Variants in CENPP observed in about 807,000 individuals in gnomAD.
The protein encoded by CENPP is centromere protein P.
A neutral mutation model predicts 35.6 loss-of-function variants in CENPP; 24 were observed. The ratio of observed to expected loss-of-function variants is 0.67; its 90% CI spans 0.49 to 0.95. The LOEUF is 0.95. Among genes scored for constraint, CENPP ranks in the 40% least tolerant of loss-of-function variants. The pLI is 0.00. For synonymous variants in CENPP, 120 were observed against 125.5 expected, an observed-to-expected ratio of 0.96 and a Z score of 0.29; for missense variants, 332 against 345.3, an observed-to-expected ratio of 0.96 and a Z score of 0.31.
intron 5 of CENPP, among the ~76,000 whole-genome samples, chr9:92,601,489 T>C (rs754489214): frequency 1.1e-4 from 16 of 152,210 alleles, no homozygotes; most frequent in Non-Finnish European, 1.8e-4. Flanking sequence ...GTCCTTTCCA[T>C]GTTAGAGCTC....
In CENPP at chr9:92,588,903, G is replaced by A. The variant is rs188743789; in HGVS notation, c.565-22411G>A. Among the ~76,000 whole-genome samples, 369 of 152,230 alleles carry A rather than the reference G, an allele frequency of 2.4e-3. 3 individuals carry two copies. Among genetic ancestry groups the A allele is most frequent in the African/African-American group, 8.0e-3 (332 of 41,552 alleles). On this transcript the variant is annotated intron_variant, in intron 5 of 7. Coordinates refer to ENST00000375587, the MANE Select transcript of CENPP (RefSeq NM_001012267.3). The stretch of plus-strand genomic sequence containing the variant: ...AGTTAGTAAATCCCTAGTCTGAGAC[G>A]CCCATGAGAGGTGAATGTATGTGGG...
chr9:92,502,769 C>T (rs1466260809), intron 5 of CENPP: 13 of 763,540 alleles, frequency 1.7e-5, no homozygotes, highest in Non-Finnish European at 2.5e-5. Flanking sequence ...AAGAGTCTTA[C>T]TGCTCTTTCA....
chr9:92,462,720 A>T (rs1472772897), intron 5 of CENPP, among the ~76,000 whole-genome samples: 1 of 152,206 alleles, frequency 6.6e-6, no homozygotes, highest in Non-Finnish European at 1.5e-5. Flanking sequence ...TTCTAAACTG[A>T]GAAGGTTCTA....
chr9:92,580,545 C>T (rs1339860737), intron 5 of CENPP, among the ~76,000 whole-genome samples: 1 of 152,084 alleles, frequency 6.6e-6, no homozygotes, highest in Non-Finnish European at 1.5e-5. Flanking sequence ...GTGTATGTGT[C>T]AAGGAATTTA....
chr9:92,364,134 G>A (rs1355424165), intron 4 of CENPP, among the ~76,000 whole-genome samples: 2 of 151,918 alleles, frequency 1.3e-5, no homozygotes, highest in Non-Finnish European at 1.5e-5. Context: ...ATAGGCATGA[G>A]CCACTGTACT....
intron 5 of CENPP, among the ~76,000 whole-genome samples, chr9:92,546,890 C>T (rs1166728906): frequency 6.6e-6 from 1 of 152,152 alleles, no homozygotes; most frequent in Non-Finnish European, 1.5e-5. Flanking sequence ...AATCTTCCCA[C>T]AAGAGATACC....
intron 5 of CENPP, among the ~76,000 whole-genome samples, chr9:92,408,941 C>T (rs1843376941): frequency 1.3e-5 from 2 of 152,058 alleles, no homozygotes; most frequent in Admixed American, 6.6e-5. Flanking sequence ...ATGCTTGAAG[C>T]CTAATTGTTT....
chr9:92,497,871 G>GT (rs1258850276), intron 5 of CENPP, among the ~76,000 whole-genome samples: 1 of 89,754 alleles, frequency 1.1e-5, no homozygotes, highest in Non-Finnish European at 2.0e-5. Flanking sequence ...AGAGCTGGTT[G>GT]TTTAAAAAAA....
chr9:92,330,818 AGCCAGGATTACAGGCACCC>A (rs1315351264), intron 1 of CENPP, among the ~76,000 whole-genome samples: 3 of 151,470 alleles, frequency 2.0e-5, no homozygotes, highest in African/African-American at 7.3e-5. Context: ...CCTCCTGGGT[AGCCAGGATTACAGGCACCC>A]GCCACCACTC....
chr9:92,543,007 T>G (rs1849349873), intron 5 of CENPP, among the ~76,000 whole-genome samples: 2 of 152,226 alleles, frequency 1.3e-5, no homozygotes, highest in South Asian at 4.1e-4. Flanking sequence ...TTGGCACTTT[T>G]GTCAAAAACC....
chr9:92,440,152 C>T (rs947919596), intron 5 of CENPP, among the ~76,000 whole-genome samples: 2 of 152,136 alleles, frequency 1.3e-5, no homozygotes, highest in Admixed American at 1.3e-4. Context: ...TATACACTCA[C>T]CTCCCATTAG....
At chr9:92,471,053 G>A (rs1370922876) in intron 5 of CENPP, among the ~76,000 whole-genome samples, 1 of 152,164 alleles carries the variant, frequency 6.6e-6, no homozygotes, top group Non-Finnish European at 1.5e-5. Flanking sequence ...AATTGGAGTG[G>A]CCTTAGTGGC....
At chr9:92,345,932 A>T (rs1276751488) in intron 4 of CENPP, 145 bp downstream of exon 4, 1 of 563,968 alleles carries the variant, frequency 1.8e-6, no homozygotes. Context: ...ATTTGAGCCC[A>T]TATTCTCTAT....
intron 5 of CENPP, among the ~76,000 whole-genome samples, chr9:92,579,603 G>C (rs1046535286): frequency 6.6e-6 from 1 of 151,532 alleles, no homozygotes; most frequent in Non-Finnish European, 1.5e-5. Context: ...CTCTCTGTTT[G>C]TCTGTTATTG....
chr9:92,536,288 C>T (rs753325010), intron 5 of CENPP, among the ~76,000 whole-genome samples: 16 of 152,024 alleles, frequency 1.1e-4, no homozygotes, highest in Non-Finnish European at 1.9e-4. Context: ...ATTAAGAAAT[C>T]TGTGGTTTTC....
chr9:92,544,678 A>C (rs1339144830), intron 5 of CENPP, among the ~76,000 whole-genome samples: 1 of 151,990 alleles, frequency 6.6e-6, no homozygotes, highest in Non-Finnish European at 1.5e-5. Flanking sequence ...GTGGCTCACC[A>C]ATGTGAGGAC....
rs1048627057 is a variant in CENPP at position 92,617,373 on chromosome 9, C to T, written c.*4224C>T. ...CCTGACAAGACCATGGGTGTAAAGA[C>T]AGGAAGGATGTTCCAGGCAGCTCCC... On this transcript the variant is annotated 3_prime_UTR_variant, in exon 8 of 8. Coordinates refer to ENST00000375587, the MANE Select transcript of CENPP (RefSeq NM_001012267.3). 12 of 152,352 alleles carry T rather than the reference C, an allele frequency of 7.9e-5. No individual in the cohort carries two copies. The highest frequency in any genetic ancestry group is 7.9e-4 in the Admixed American group (12 of 15,282). The allele number at this position is 152,352 out of a possible 1,614,324, so 9.4% of individuals were successfully genotyped here.
intron 5 of CENPP, among the ~76,000 whole-genome samples, chr9:92,463,391 T>C (rs952903642): frequency 2.6e-5 from 4 of 152,218 alleles, no homozygotes; most frequent in Non-Finnish European, 5.9e-5. Context: ...AGTTGAGAGA[T>C]TTGATTCCAA....
intron 5 of CENPP, among the ~76,000 whole-genome samples, chr9:92,446,846 C>G (rs1383891812): frequency 7.0e-6 from 1 of 142,980 alleles, no homozygotes; most frequent in South Asian, 2.2e-4. Flanking sequence ...AAAAGAAAAA[C>G]AGAAAGAGAG....
Sources: gnomAD v4.1 joint callset for allele counts (sites outside exome capture counted in the v4.1 genomes callset) on GRCh38, gnomAD v4.1.1 for gene constraint, MANE v1.5 for transcripts, NCBI Gene and HGNC (gene_info 2026-07-23, HGNC 2026-07-21) for gene names.